CNTNAP2: variants seen among roughly 807,000 people sequenced by gnomAD.
The protein encoded by CNTNAP2 is contactin-associated protein-like 2.
CNTNAP2 carries 98 observed loss-of-function variants against 155.2 expected under a neutral mutation model. That is an observed-to-expected ratio of 0.63 (90% CI 0.54 to 0.75). The LOEUF (loss-of-function observed/expected upper bound fraction) is 0.75, where lower values mean the gene tolerates loss of function less well. Among genes scored for constraint, CNTNAP2 ranks in the 30% least tolerant of loss-of-function variants. The pLI is 0.00. For synonymous variants in CNTNAP2, 651 were observed against 631.2 expected (o/e 1.03, Z -0.47); for missense variants, 1,727 against 1,688.1 (o/e 1.02, Z -0.40).
At chr7:146,130,547 T>C (rs1370788724) in intron 1 of CNTNAP2, among the ~76,000 whole-genome samples, 1 of 152,194 alleles carries the variant, frequency 6.6e-6, no homozygotes, top group East Asian at 1.9e-4. Flanking sequence ...CTTAGAGAAT[T>C]TTGCTAATAA....
chr7:147,470,830 T>C (rs1169673070), intron 10 of CNTNAP2, among the ~76,000 whole-genome samples: 1 of 152,054 alleles, frequency 6.6e-6, no homozygotes, highest in Non-Finnish European at 1.5e-5. Context: ...TAATATAATC[T>C]GATGTCCTTA....
intron 11 of CNTNAP2, among the ~76,000 whole-genome samples, chr7:147,506,928 A>C (rs1798916872): frequency 6.6e-6 from 1 of 152,208 alleles, no homozygotes; most frequent in Admixed American, 6.5e-5. Flanking sequence ...AGCTGAGGCT[A>C]GTGATTTGGC....
chr7:146,761,942 G>A lies in CNTNAP2; in HGVS notation c.98-12329G>A, dbSNP rs146227877. Among the ~76,000 whole-genome samples the A allele has an allele frequency of 9.8e-3, 1,497 of 152,046 alleles. 22 individuals carry two copies. Among genetic ancestry groups the A allele is most frequent in the Middle Eastern group, 0.024 (7 of 294 alleles). On this transcript the variant is annotated intron_variant, in intron 1 of 23. Transcript: ENST00000361727. ...ATCGCCACTTCAAAGGATAGTATGC[G>A]ACTCAAAATCTAAATATATTTAAGA...
chr7:146,515,974 T>C (rs1212103945), intron 1 of CNTNAP2, among the ~76,000 whole-genome samples: 1 of 152,130 alleles, frequency 6.6e-6, no homozygotes, highest in African/African-American at 2.4e-5. Context: ...AATGTAAGTA[T>C]ATAATATACT....
At chr7:147,144,943 AC>A (rs1179050232) in intron 8 of CNTNAP2, among the ~76,000 whole-genome samples, 8 of 152,164 alleles carry the variant, frequency 5.3e-5, no homozygotes, top group African/African-American at 1.7e-4. Context: ...GAAGTAAAAA[AC>A]GTTAAAATTC....
chr7:147,707,210 C>T lies in CNTNAP2; in HGVS notation c.2098+67904C>T, dbSNP rs557271375. 7.2e-5 allele frequency among the ~76,000 whole-genome samples: 11 copies of T among 152,270 alleles called. No individual in the cohort carries two copies. The East Asian group carries it at 2.1e-3, about 29-fold the overall frequency. On this transcript the variant is annotated intron_variant, in intron 13 of 23. Coordinates refer to ENST00000361727, the MANE Select transcript of CNTNAP2 (RefSeq NM_014141.6). ...TTTTTCCATGTTTCTTTTGTCCTTA[C>T]ATTGACATCTATGTATCTGGTGTAA...
intron 4 of CNTNAP2, among the ~76,000 whole-genome samples, chr7:147,103,466 A>G (rs1405711035): frequency 6.6e-6 from 1 of 152,164 alleles, no homozygotes; most frequent in African/African-American, 2.4e-5. Context: ...AGTTTCAGAA[A>G]TGAAATGTAT....
At chr7:146,756,462 G>A (rs1224076632) in intron 1 of CNTNAP2, among the ~76,000 whole-genome samples, 1 of 151,938 alleles carries the variant, frequency 6.6e-6, no homozygotes, top group Non-Finnish European at 1.5e-5. Context: ...CTCTAGTATA[G>A]CACTTGATAG....
At chr7:148,285,077 C>T (rs1325746476) in intron 21 of CNTNAP2, among the ~76,000 whole-genome samples, 1 of 152,098 alleles carries the variant, frequency 6.6e-6, no homozygotes, top group African/African-American at 2.4e-5. Context: ...GTGAATAATC[C>T]TGCTATAAAA....
chr7:146,510,368 A>G (rs79417617), intron 1 of CNTNAP2, among the ~76,000 whole-genome samples: 87 of 152,294 alleles, frequency 5.7e-4, no homozygotes, highest in Non-Finnish European at 9.3e-4. Context: ...GCACAGCCAT[A>G]TTCATTACAA....
chr7:147,590,545 TC>T (rs1158995328), intron 12 of CNTNAP2, among the ~76,000 whole-genome samples: 1 of 152,094 alleles, frequency 6.6e-6, no homozygotes, highest in Non-Finnish European at 1.5e-5. Flanking sequence ...GAATGGTGAG[TC>T]AATTAAGCCT....
chr7:146,251,758 A>G (rs1295869375), intron 1 of CNTNAP2, among the ~76,000 whole-genome samples: 1 of 152,228 alleles, frequency 6.6e-6, no homozygotes, highest in Non-Finnish European at 1.5e-5. Context: ...AATCCAATAT[A>G]TGACTCAGAG....
In CNTNAP2 at chr7:148,417,311, T is replaced by A. The variant is rs1266183464; in HGVS notation, c.*1695T>A. The A allele has an allele frequency of 6.6e-6, 1 of 152,612 alleles. No homozygotes were observed. Among genetic ancestry groups the A allele is most frequent in the Non-Finnish European group, 1.5e-5 (1 of 68,040 alleles). 9.5% of individuals were successfully genotyped at this position (152,612 alleles called of 1,614,324 possible). On this transcript the variant is annotated 3_prime_UTR_variant, in exon 24 of 24. Transcript: ENST00000361727. ...TGGAGCACATCAGTTTCTTGGGTAA[T>A]GGAAAACATTACCTAGAGTTGCCAG...
chr7:146,855,963 A>G (rs983185849), intron 3 of CNTNAP2, among the ~76,000 whole-genome samples: 24 of 151,326 alleles, frequency 1.6e-4, no homozygotes, highest in Admixed American at 1.1e-3. Context: ...TATTAATACA[A>G]TTATCATCTA....
intron 13 of CNTNAP2, among the ~76,000 whole-genome samples, chr7:147,894,929 T>G (rs1056410444): frequency 2.9e-4 from 44 of 149,410 alleles, no homozygotes; most frequent in Admixed American, 5.3e-4. Flanking sequence ...AGAAATCTAT[T>G]GGTTTCTTTT....
chr7:146,922,952 C>T lies in CNTNAP2; in HGVS notation c.402+83048C>T, dbSNP rs150060155. Reference sequence around the variant, plus strand: ...TTAAGTGTATTACTAGAGTAAAGACCACAGGAATGCATGCTTGACAACATA... The same window carrying T: ...TTAAGTGTATTACTAGAGTAAAGACTACAGGAATGCATGCTTGACAACATA... On this transcript the variant is annotated intron_variant, in intron 3 of 23. Coordinates refer to ENST00000361727, the MANE Select transcript of CNTNAP2 (RefSeq NM_014141.6). Among the ~76,000 whole-genome samples the T allele has an allele frequency of 7.9e-5, 12 of 152,074 alleles. No individual in the cohort carries two copies. The East Asian group carries it at 9.7e-4, about 12-fold the overall frequency.
chr7:147,412,811 A>C (rs1429344570), intron 10 of CNTNAP2, among the ~76,000 whole-genome samples: 1 of 151,682 alleles, frequency 6.6e-6, no homozygotes, highest in African/African-American at 2.4e-5. Flanking sequence ...GCTGTCTTGG[A>C]AAAATGGACT....
intron 1 of CNTNAP2, among the ~76,000 whole-genome samples, chr7:146,189,263 A>G (rs1286535986): frequency 1.3e-5 from 2 of 152,208 alleles, no homozygotes; most frequent in Non-Finnish European, 2.9e-5. Context: ...TATGTTGGCC[A>G]CATGATAATA....
At chr7:146,885,283 C>G (rs141899702) in intron 3 of CNTNAP2, among the ~76,000 whole-genome samples, 3 of 152,034 alleles carry the variant, frequency 2.0e-5, no homozygotes, top group South Asian at 2.1e-4. Flanking sequence ...TCAAATAAAT[C>G]TTTTATTTTT....
Sources: allele counts gnomAD v4.1 joint callset (sites outside exome capture counted in the v4.1 genomes callset), GRCh38; gene constraint gnomAD v4.1.1; transcripts MANE v1.5; gene names NCBI Gene and HGNC (gene_info 2026-07-23, HGNC 2026-07-21).